The following FAT3 variants were observed in gnomAD, a reference collection of about 807,000 sequenced individuals.
FAT3 encodes protocadherin Fat 3.
Under a neutral mutation model 310.2 loss-of-function variants are expected in FAT3, and 95 were observed. That is an observed-to-expected ratio of 0.31 (90% CI 0.26 to 0.36). The LOEUF (loss-of-function observed/expected upper bound fraction) is 0.36, where lower values mean the gene tolerates loss of function less well. Among genes scored for constraint, FAT3 ranks in the 10% least tolerant of loss-of-function variants. FAT3 has a pLI of 1.00. For missense variants in FAT3, 5,408 were observed against 5,715.6 expected (o/e 0.95, Z 1.74); for synonymous variants, 2,314 against 2,192.9 (o/e 1.06, Z -1.54).
intron 1 of FAT3, among the ~76,000 whole-genome samples, chr11:92,262,193 A>G (rs2134309507): frequency 6.6e-6 from 1 of 152,232 alleles, no homozygotes; most frequent in South Asian, 2.1e-4. Context: ...TCTATTGACT[A>G]AATCAGGAAA....
At chr11:92,709,567 C>A (rs1244352053) in intron 4 of FAT3, among the ~76,000 whole-genome samples, 1 of 152,174 alleles carries the variant, frequency 6.6e-6, no homozygotes, top group Non-Finnish European at 1.5e-5. Flanking sequence ...TGTACCCCAG[C>A]ACCTAAAACA....
chr11:92,481,621 A>G (rs527909523), intron 2 of FAT3, among the ~76,000 whole-genome samples: 1 of 152,324 alleles, frequency 6.6e-6, no homozygotes, highest in Admixed American at 6.5e-5. Context: ...TAATGAAATA[A>G]ATTGAGTCAA....
rs149866359 is a variant in FAT3 at position 92,271,438 on chromosome 11, C to A, written c.-18+46264C>A. Among the ~76,000 whole-genome samples the A allele has an allele frequency of 9.0e-4, 137 of 152,234 alleles. 1 individual carries two copies. Among genetic ancestry groups the A allele is most frequent in the African/African-American group, 3.2e-3 (133 of 41,538 alleles). Reference sequence around the variant, plus strand: ...ACCACCTTAGCTAATGCTGTCCTTCCTCTGCCACTCCCCCTTAGGATGATC... The same window carrying A: ...ACCACCTTAGCTAATGCTGTCCTTCATCTGCCACTCCCCCTTAGGATGATC... On this transcript the variant is annotated intron_variant, in intron 1 of 27. Coordinates refer to ENST00000525166, the MANE Select transcript of FAT3 (RefSeq NM_001367949.2).
chr11:92,617,503 G>C (rs1412509840), intron 3 of FAT3, among the ~76,000 whole-genome samples: 1 of 152,144 alleles, frequency 6.6e-6, no homozygotes, highest in African/African-American at 2.4e-5. Context: ...GTCATTCTCT[G>C]TCCCACTTTG....
chr11:92,817,296 G>A (rs543798766), intron 13 of FAT3, among the ~76,000 whole-genome samples: 1 of 152,266 alleles, frequency 6.6e-6, no homozygotes, highest in South Asian at 2.1e-4. Flanking sequence ...ATACATGAAT[G>A]GGCAGTGGTC....
At chr11:92,685,763 G>A (rs1943618292) in intron 3 of FAT3, among the ~76,000 whole-genome samples, 1 of 152,106 alleles carries the variant, frequency 6.6e-6, no homozygotes, top group Non-Finnish European at 1.5e-5. Flanking sequence ...AAATATGGTT[G>A]CCCTGGAGAA....
intron 22 of FAT3, 66 bp downstream of exon 22, chr11:92,867,275 G>A: frequency 7.1e-7 from 1 of 1,410,254 alleles, no homozygotes; most frequent in Non-Finnish European, 9.5e-7. Context: ...AACTGCAGGG[G>A]GATCCCTGCC....
intron 7 of FAT3, among the ~76,000 whole-genome samples, chr11:92,779,042 G>A (rs1221086604): frequency 6.6e-6 from 1 of 152,190 alleles, no homozygotes; most frequent in South Asian, 2.1e-4. Context: ...ATGTCTGAAG[G>A]GTTTCTGGCA....
intron 7 of FAT3, 63 bp from the exon 8 acceptor site, chr11:92,789,880 A>G (rs1372906143): frequency 4.5e-6 from 7 of 1,554,198 alleles, no homozygotes; most frequent in Non-Finnish European, 6.2e-6. Flanking sequence ...GAGGGAGGGC[A>G]TACTTTTATT....
chr11:92,287,520 TG>T (rs1228790047), intron 1 of FAT3, among the ~76,000 whole-genome samples: 2 of 152,152 alleles, frequency 1.3e-5, no homozygotes, highest in African/African-American at 4.8e-5. Context: ...ACTTTAGAGC[TG>T]GGTTTCCCAT....
intron 1 of FAT3, among the ~76,000 whole-genome samples, chr11:92,229,363 C>T (rs1205138071): frequency 9.4e-6 from 1 of 106,016 alleles, no homozygotes; most frequent in African/African-American, 3.3e-5. Flanking sequence ...GAGTAAATAT[C>T]TTTTCTGTGT....
rs551227260 is a variant in FAT3, at chr11:92,881,609, CTCTA to C, written c.12281+729_12281+732del. On this transcript the variant is annotated intron_variant, in intron 23 of 27. Transcript: ENST00000525166. ...CTGACTAATTTCCGGCTGTCCTCAC[CTCTA>C]TCTGTTCAAATTAGGTTTCGTTTGG... Among the ~76,000 whole-genome samples, 950 of 152,242 alleles carry C rather than the reference CTCTA, an allele frequency of 6.2e-3. 3 individuals are homozygous for C. Among genetic ancestry groups the C allele is most frequent in the Non-Finnish European group, 9.1e-3 (620 of 68,012 alleles).
intron 3 of FAT3, among the ~76,000 whole-genome samples, chr11:92,551,514 T>G (rs963786939): frequency 3.3e-5 from 5 of 151,422 alleles, no homozygotes; most frequent in Non-Finnish European, 7.4e-5. Context: ...TCATAGACCC[T>G]GCAGTTCAAC....
intron 2 of FAT3, among the ~76,000 whole-genome samples, chr11:92,410,574 G>T (rs1479464343): frequency 6.6e-6 from 1 of 152,000 alleles, no homozygotes; most frequent in African/African-American, 2.4e-5. Flanking sequence ...TCCATTAGGG[G>T]GTCCTTATTT....
chr11:92,690,427 A>G (rs1943766759), intron 3 of FAT3, among the ~76,000 whole-genome samples: 1 of 152,214 alleles, frequency 6.6e-6, no homozygotes, highest in South Asian at 2.1e-4. Flanking sequence ...AGAAAATTTA[A>G]TAGCAGCACC....
intron 3 of FAT3, among the ~76,000 whole-genome samples, chr11:92,695,876 G>T (rs943075175): frequency 2.9e-4 from 44 of 152,142 alleles, no homozygotes; most frequent in Non-Finnish European, 7.3e-5. Flanking sequence ...GTTAAACAGG[G>T]TCAGCAAAGG....
chr11:92,890,579 G>T lies in FAT3; in HGVS notation c.13236G>T (p.Gly4412=), dbSNP rs1949894131. ...EVPNYENQDG[G]SAHQGSTREL... ...CCAACTATGAGAACCAGGATGGAGG[G>T]TCTGCACACCAGGGGAGCACACGGG... Residue 4412 remains glycine, a synonymous_variant, in exon 28 of 28, where the codon GGG becomes GGT. Transcript: ENST00000525166. 1 of 1,613,444 alleles carries T rather than the reference G, an allele frequency of 6.2e-7. No homozygotes were observed. The highest frequency in any genetic ancestry group is 8.5e-7 in the Non-Finnish European group (1 of 1,179,782).
At chr11:92,614,616 C>T (rs556603412) in intron 3 of FAT3, among the ~76,000 whole-genome samples, 21 of 152,216 alleles carry the variant, frequency 1.4e-4, no homozygotes, top group African/African-American at 5.1e-4. Context: ...AGAAATTCTT[C>T]GTATGATTTA....
At chr11:92,245,707 A>G (rs747997560) in intron 1 of FAT3, among the ~76,000 whole-genome samples, 5 of 152,120 alleles carry the variant, frequency 3.3e-5, no homozygotes, top group African/African-American at 4.8e-5. Context: ...CATAAACAAT[A>G]TATGAATGAA....
Sources: allele counts gnomAD v4.1 joint callset (sites outside exome capture counted in the v4.1 genomes callset), GRCh38; gene constraint gnomAD v4.1.1; transcripts MANE v1.5; gene names NCBI Gene and HGNC (gene_info 2026-07-23, HGNC 2026-07-21).